OPN5: variants seen among roughly 807,000 people sequenced by gnomAD.
OPN5 encodes the protein opsin-5.
In OPN5, 18 loss-of-function variants were observed where a neutral mutation model predicts 41.7. The ratio of observed to expected loss-of-function variants is 0.43; its 90% confidence interval spans 0.30 to 0.64. OPN5 has a LOEUF of 0.64. Among genes scored for constraint, OPN5 ranks in the 30% least tolerant of loss-of-function variants. The probability of loss-of-function intolerance (pLI) is 0.13; values close to 1 mark genes in which losing one functional copy is unlikely to be tolerated. For synonymous variants in OPN5, 178 were observed against 164.3 expected (o/e 1.08, Z -0.64); for missense variants, 318 against 434.5 (o/e 0.73, Z 2.38).
chr6:47,787,078 A>G (rs1773215044), intron 2 of OPN5: 1 of 985,354 alleles, frequency 1.0e-6, no homozygotes, highest in African/African-American at 1.7e-5. Context: ...AGTTGAAGGC[A>G]GTTGAGAGGT....
At chr6:47,800,755 A>T (rs1773740443) in intron 4 of OPN5, among the ~76,000 whole-genome samples, 1 of 152,190 alleles carries the variant, frequency 6.6e-6, no homozygotes, top group Non-Finnish European at 1.5e-5. Context: ...ATTAAAGGAA[A>T]GTCAAGATGG....
intron 6 of OPN5, among the ~76,000 whole-genome samples, chr6:47,814,621 CAAG>C (rs1762375391): frequency 6.6e-6 from 1 of 152,016 alleles, no homozygotes; most frequent in Non-Finnish European, 1.5e-5. Flanking sequence ...GAAGAAAAAA[CAAG>C]GAGTCATTGA....
chr6:47,793,771 T>G (rs1773456861), intron 3 of OPN5: 1 of 965,318 alleles, frequency 1.0e-6, no homozygotes, highest in Non-Finnish European at 1.2e-6. Flanking sequence ...CATACTGGAA[T>G]GTAAGTATAA....
chr6:47,794,037 C>T (rs1042391251), intron 3 of OPN5, among the ~76,000 whole-genome samples: 18 of 152,038 alleles, frequency 1.2e-4, no homozygotes, highest in African/African-American at 2.7e-4. Context: ...TTCTTATTAG[C>T]GCTAAATGAG....
intron 4 of OPN5, among the ~76,000 whole-genome samples, chr6:47,802,772 CT>C (rs1244682289): frequency 3.3e-5 from 5 of 152,136 alleles, no homozygotes; most frequent in African/African-American, 1.2e-4. Flanking sequence ...CAGCCACTGC[CT>C]AGTCAGGAAA....
intron 2 of OPN5, among the ~76,000 whole-genome samples, chr6:47,787,557 C>T (rs551303474): frequency 2.2e-4 from 33 of 152,248 alleles, no homozygotes; most frequent in African/African-American, 7.9e-4. Context: ...ACAGCAGCTC[C>T]TCTTACCATT....
At chr6:47,800,656 A>G (rs1454415179) in intron 4 of OPN5, among the ~76,000 whole-genome samples, 1 of 152,192 alleles carries the variant, frequency 6.6e-6, no homozygotes, top group East Asian at 1.9e-4. Flanking sequence ...GCTTTTCAAA[A>G]GTGCTTGAAT....
At chr6:47,817,534 T>C (rs1013153901) in intron 6 of OPN5, among the ~76,000 whole-genome samples, 1 of 152,230 alleles carries the variant, frequency 6.6e-6, no homozygotes, top group East Asian at 1.9e-4. Context: ...CAAAATGTAG[T>C]CTGCAGACCC....
At chr6:47,792,082 G>T in intron 3 of OPN5, 110 bp downstream of exon 3, 1 of 719,148 alleles carries the variant, frequency 1.4e-6, no homozygotes, top group Non-Finnish European at 2.3e-6. Context: ...TAACCTCAGA[G>T]ATCAAGAATA....
At chr6:47,805,774 G>T (rs1561899482) in intron 4 of OPN5, among the ~76,000 whole-genome samples, 2 of 152,144 alleles carry the variant, frequency 1.3e-5, no homozygotes, top group Admixed American at 6.5e-5. Context: ...ATAAAACATT[G>T]TATGTCTCAC....
At chr6:47,804,977 G>A (rs1773907891) in intron 4 of OPN5, among the ~76,000 whole-genome samples, 1 of 152,166 alleles carries the variant, frequency 6.6e-6, no homozygotes, top group South Asian at 2.1e-4. Flanking sequence ...GACTTTGGCA[G>A]CAACACAGAA....
intron 4 of OPN5, among the ~76,000 whole-genome samples, chr6:47,798,257 T>C (rs1773641071): frequency 6.6e-6 from 1 of 151,926 alleles, no homozygotes; most frequent in Admixed American, 6.6e-5. Flanking sequence ...TGCAGAAAAT[T>C]TAAGCCAAAA....
intron 6 of OPN5, among the ~76,000 whole-genome samples, chr6:47,821,023 C>T (rs771148205): frequency 2.0e-5 from 3 of 152,004 alleles, no homozygotes; most frequent in Admixed American, 6.6e-5. Flanking sequence ...AATATATTTA[C>T]GGTTCATTAA....
intron 4 of OPN5, 140 bp from the exon 5 acceptor site, chr6:47,808,014 C>T: frequency 1.3e-6 from 1 of 793,292 alleles, no homozygotes; most frequent in Non-Finnish European, 2.1e-6. Flanking sequence ...GAAATGATTC[C>T]TATGTACAAA....
intron 4 of OPN5, among the ~76,000 whole-genome samples, chr6:47,800,870 A>G (rs1020093445): frequency 2.0e-5 from 3 of 152,202 alleles, no homozygotes; most frequent in Non-Finnish European, 4.4e-5. Flanking sequence ...AGAAGCATGA[A>G]TTAGTTTTTC....
chr6:47,801,469 A>G (rs1273703064), intron 4 of OPN5, among the ~76,000 whole-genome samples: 1 of 152,174 alleles, frequency 6.6e-6, no homozygotes, highest in Non-Finnish European at 1.5e-5. Context: ...ATCAAATGTT[A>G]TTTATCATTG....
chr6:47,820,025 T>C (rs1233548697), intron 6 of OPN5, among the ~76,000 whole-genome samples: 3 of 152,162 alleles, frequency 2.0e-5, no homozygotes, highest in Non-Finnish European at 4.4e-5. Context: ...TCAGCCTCAA[T>C]ACACTCCAGT....
intron 3 of OPN5, 48 bp from the exon 4 acceptor site, chr6:47,795,180 TG>T: frequency 7.3e-7 from 1 of 1,362,238 alleles, no homozygotes; most frequent in Non-Finnish European, 9.9e-7. Flanking sequence ...GGGAGGTATC[TG>T]GGTGTAGGGC....
At chr6:47,791,694 C>T (rs560939637) in intron 2 of OPN5, 108 bp from the exon 3 acceptor site, 41 of 786,938 alleles carry the variant, frequency 5.2e-5, no homozygotes, top group African/African-American at 2.6e-4. Flanking sequence ...TGTGTGTGTG[C>T]GTTCACATGT....
Sources: allele counts gnomAD v4.1 joint callset (sites outside exome capture counted in the v4.1 genomes callset), GRCh38; gene constraint gnomAD v4.1.1; transcripts MANE v1.5; gene names NCBI Gene and HGNC (gene_info 2026-07-23, HGNC 2026-07-21).